The following CLEC16A variants were observed in gnomAD, a reference collection of about 807,000 sequenced individuals.
CLEC16A encodes protein CLEC16A.
In CLEC16A, 51 loss-of-function variants were observed where a neutral mutation model predicts 109.5. The ratio of observed to expected loss-of-function variants is 0.47; its 90% CI spans 0.37 to 0.59. The LOEUF (loss-of-function observed/expected upper bound fraction) is 0.59. CLEC16A is among the 20% of genes least tolerant of loss of function. CLEC16A has a pLI of 0.00. For missense variants in CLEC16A, 1,339 were observed against 1,394.0 expected, an observed-to-expected ratio of 0.96 and a Z score of 0.63; for synonymous variants, 673 against 564.2, an observed-to-expected ratio of 1.19 and a Z score of -2.73.
At position 11,126,077 on chromosome 16, in the gene CLEC16A, C is replaced by G. The variant is rs1402380742; in HGVS notation, c.2572C>G (p.Gln858Glu). 6.2e-7 allele frequency: 1 copy of G among 1,613,964 alleles called. No individual in the cohort carries two copies. Among genetic ancestry groups the G allele is most frequent in the East Asian group, 2.2e-5 (1 of 44,868 alleles). ...TQHLPFRFYD[Q>E]GRRGSSDPTV... ...GCACCTGCCTTTCCGCTTCTACGAC[C>G]AGGGGCGCCGGGGCAGCAGCGACCC... Residue 858 changes from glutamine to glutamate, a missense_variant, in exon 22 of 24, where the codon CAG becomes GAG. Coordinates refer to ENST00000409790, the MANE Select transcript of CLEC16A (RefSeq NM_015226.3).
intron 19 of CLEC16A, among the ~76,000 whole-genome samples, chr16:11,080,013 A>G (rs2049608843): frequency 6.6e-6 from 1 of 152,128 alleles, no homozygotes; most frequent in South Asian, 2.1e-4. Context: ...TTCCCTTCCT[A>G]TCATGGCATC....
intron 13 of CLEC16A, among the ~76,000 whole-genome samples, chr16:11,030,973 G>A (rs2046709829): frequency 6.6e-6 from 1 of 152,226 alleles, no homozygotes; most frequent in Admixed American, 6.5e-5. Flanking sequence ...CCCCAAGTCT[G>A]TGGCATGTCT....
At chr16:11,163,797 G>C (rs1597609918) in intron 22 of CLEC16A, among the ~76,000 whole-genome samples, 2 of 152,172 alleles carry the variant, frequency 1.3e-5, no homozygotes, top group Admixed American at 6.5e-5. Context: ...AGCATACAAG[G>C]TGTAATCCCA....
intron 10 of CLEC16A, among the ~76,000 whole-genome samples, chr16:10,986,650 C>G (rs974343734): frequency 6.6e-6 from 1 of 151,992 alleles, no homozygotes; most frequent in Admixed American, 6.5e-5. Context: ...GTCTTTGTCA[C>G]TGGCTCATTT....
intron 19 of CLEC16A, among the ~76,000 whole-genome samples, chr16:11,114,128 C>CGTGTGT (rs3030600): frequency 0.039 from 4,971 of 127,214 alleles, 160 homozygotes; most frequent in East Asian, 0.073. Context: ...TGAGGATGGC[C>CGTGTGT]GTGTGTGTGT....
rs184191279 is a variant in CLEC16A, at chr16:11,146,006, G to A, written c.2641+19860G>A. ...TCAAGGCAACTTAAGGGGCCTCTCC[G>A]CAGCCTTGACCTTGCTAGGTATGCT... On this transcript the variant is annotated intron_variant, in intron 22 of 23. Transcript: ENST00000409790. 1.1e-4 allele frequency among the ~76,000 whole-genome samples: 16 copies of A among 152,298 alleles called. No homozygotes were observed. The East Asian group carries it at 1.9e-3, about 18-fold the overall frequency.
At chr16:10,977,179 C>T in intron 7 of CLEC16A, 46 bp from the exon 8 acceptor site, 1 of 1,580,032 alleles carries the variant, frequency 6.3e-7, no homozygotes, top group Non-Finnish European at 8.6e-7. Flanking sequence ...GGCTCAAAGG[C>T]TCCTAGTGTT....
At chr16:11,139,547 C>T (rs182304448) in intron 22 of CLEC16A, among the ~76,000 whole-genome samples, 132 of 152,360 alleles carry the variant, frequency 8.7e-4, no homozygotes, top group Non-Finnish European at 1.7e-3. Flanking sequence ...CACACTTACA[C>T]AGCCTGCTTG....
intron 10 of CLEC16A, among the ~76,000 whole-genome samples, chr16:11,001,208 C>G (rs2044650651): frequency 6.6e-6 from 1 of 152,198 alleles, no homozygotes; most frequent in African/African-American, 2.4e-5. Flanking sequence ...ACCTCAGCCT[C>G]TGAAGTAGCT....
At chr16:11,136,461 TTTGTTG>T (rs151238568) in intron 22 of CLEC16A, among the ~76,000 whole-genome samples, 14 of 151,988 alleles carry the variant, frequency 9.2e-5, no homozygotes, top group South Asian at 2.1e-4. Flanking sequence ...CTCTTGCCAT[TTTGTTG>T]TTGTTGTTGT....
intron 22 of CLEC16A, among the ~76,000 whole-genome samples, chr16:11,157,460 A>T (rs2054576701): frequency 6.6e-6 from 1 of 152,188 alleles, no homozygotes; most frequent in Non-Finnish European, 1.5e-5. Flanking sequence ...TTGTGCACTG[A>T]AACAGTAAAT....
intron 7 of CLEC16A, 94 bp downstream of exon 7, chr16:10,973,155 C>T (rs1322779599): frequency 1.4e-6 from 2 of 1,385,294 alleles, no homozygotes; most frequent in Admixed American, 4.7e-5. Context: ...AAGAACCGCA[C>T]TTCCCTACCT....
intron 10 of CLEC16A, among the ~76,000 whole-genome samples, chr16:10,993,545 C>T (rs1417084825): frequency 1.3e-5 from 2 of 152,226 alleles, no homozygotes; most frequent in African/African-American, 2.4e-5. Flanking sequence ...CCAAATCTCA[C>T]ACTGTTTCTA....
At chr16:11,013,721 C>T (rs564078888) in intron 11 of CLEC16A, among the ~76,000 whole-genome samples, 125 of 151,786 alleles carry the variant, frequency 8.2e-4, no homozygotes, top group South Asian at 7.1e-3. Context: ...ATCACGCCAC[C>T]GCACTCCAGC....
intron 9 of CLEC16A, among the ~76,000 whole-genome samples, chr16:10,981,314 G>A (rs1014312500): frequency 2.6e-5 from 4 of 152,192 alleles, no homozygotes; most frequent in South Asian, 2.1e-4. Flanking sequence ...GCAGTAATTC[G>A]GCCATAAGGA....
chr16:11,071,322 A>G (rs938051428), intron 19 of CLEC16A, among the ~76,000 whole-genome samples: 1 of 152,238 alleles, frequency 6.6e-6, no homozygotes, highest in Non-Finnish European at 1.5e-5. Context: ...TAAATGAGAA[A>G]GACAATGAAA....
intron 8 of CLEC16A, 113 bp downstream of exon 8, chr16:10,977,512 T>C: frequency 1.0e-6 from 1 of 996,448 alleles, no homozygotes; most frequent in Non-Finnish European, 1.4e-6. Context: ...GAGGTTTTTT[T>C]TTTGTTTGTT....
rs201359390 is a variant in CLEC16A, at chr16:11,178,302, C to T, written c.2807-33C>T. 6.4e-7 allele frequency: 1 copy of T among 1,563,466 alleles called. No individual in the cohort carries two copies. The highest frequency in any genetic ancestry group is 1.3e-5 in the African/African-American group (1 of 74,214). On this transcript the variant is annotated intron_variant, in intron 23 of 23. Transcript: ENST00000409790. The surrounding 1 kb of genome is among the most constrained non-coding windows in gnomAD (Gnocchi z 6.5). ...AGTGCGACGGGGTGTCTCAAGGGCT[C>T]AGTGTGTTTCCGGTTTTTCTCCCCC...
intron 1 of CLEC16A, among the ~76,000 whole-genome samples, chr16:10,955,502 G>A (rs1233054679): frequency 6.6e-6 from 1 of 152,176 alleles, no homozygotes; most frequent in Non-Finnish European, 1.5e-5. Context: ...AGGGGGGCAT[G>A]GGGAACGCTT....
Sources: allele counts gnomAD v4.1 joint callset (sites outside exome capture counted in the v4.1 genomes callset), GRCh38; gene constraint gnomAD v4.1.1; non-coding constraint Gnocchi (gnomAD v3.1); transcripts MANE v1.5; gene names NCBI Gene and HGNC (gene_info 2026-07-23, HGNC 2026-07-21).